Variants in LARS2 observed in about 807,000 individuals in gnomAD.
LARS2 encodes the protein leucyl-tRNA synthetase 2, mitochondrial, also known as leucine--tRNA ligase, mitochondrial.
A neutral mutation model predicts 116.6 loss-of-function variants in LARS2; 81 were observed. The ratio of observed to expected loss-of-function variants is 0.69; its 90% CI spans 0.58 to 0.84. The LOEUF (loss-of-function observed/expected upper bound fraction) is 0.84, where lower values mean the gene tolerates loss of function less well. LARS2 is among the 40% of genes least tolerant of loss of function. LARS2 has a pLI of 0.00. For missense variants in LARS2, 968 were observed against 1,114.5 expected (o/e 0.87, Z 1.87); for synonymous variants, 396 against 407.2 (o/e 0.97, Z 0.33).
At chr3:45,431,629 TC>T (rs1039508145) in intron 6 of LARS2, among the ~76,000 whole-genome samples, 1 of 147,240 alleles carries the variant, frequency 6.8e-6, no homozygotes, top group Non-Finnish European at 1.5e-5. Context: ...TTAAATATAA[TC>T]CCCATGGTAA....
chr3:45,409,619 G>A (rs878974701), intron 4 of LARS2, among the ~76,000 whole-genome samples: 1 of 152,122 alleles, frequency 6.6e-6, no homozygotes, highest in Admixed American at 6.6e-5. Flanking sequence ...CTTGACAGTG[G>A]TGAATCATCT....
chr3:45,457,043 A>G (rs143134480), intron 7 of LARS2, among the ~76,000 whole-genome samples: 4 of 152,352 alleles, frequency 2.6e-5, no homozygotes, highest in African/African-American at 9.6e-5. Context: ...AGGGACGGCA[A>G]TGCGTTTGAC....
intron 6 of LARS2, among the ~76,000 whole-genome samples, chr3:45,430,444 A>G (rs1457672485): frequency 7.0e-6 from 1 of 143,386 alleles, no homozygotes; most frequent in Non-Finnish European, 1.5e-5. Flanking sequence ...ATGCCCCGCT[A>G]AATTTTTTTG....
At chr3:45,515,691 C>T (rs1700360099) in intron 16 of LARS2, among the ~76,000 whole-genome samples, 1 of 152,186 alleles carries the variant, frequency 6.6e-6, no homozygotes, top group African/African-American at 2.4e-5. Flanking sequence ...ATGGATGGGA[C>T]AGGTCAGGCT....
At chr3:45,401,090 T>C (rs1358001621) in intron 4 of LARS2, among the ~76,000 whole-genome samples, 1 of 152,128 alleles carries the variant, frequency 6.6e-6, no homozygotes, top group Non-Finnish European at 1.5e-5. Flanking sequence ...TGATTACAGG[T>C]GTGAGCCACC....
chr3:45,411,085 GA>G (rs1029399320), intron 4 of LARS2, among the ~76,000 whole-genome samples: 9 of 152,108 alleles, frequency 5.9e-5, no homozygotes, highest in African/African-American at 1.9e-4. Flanking sequence ...GCACTGCGGG[GA>G]TCTAACTCAC....
chr3:45,547,365 T>C lies in LARS2; in HGVS notation c.2547T>C (p.Ala849=), dbSNP rs78587006. 4,805 of 1,609,898 alleles carry C rather than the reference T, an allele frequency of 3.0e-3. 216 individuals are homozygous for C. The East Asian group carries it at 0.092, about 31-fold the overall frequency. ...VQMAVLINNK[A]CGKIPVPQQV... ...CTCCTTCTCAGATCAACAATAAAGC[T>C]TGTGGCAAAATTCCTGTGCCCCAAC... The change falls in exon 22 of 22, where the codon GCT becomes GCC. Residue 849 remains alanine (A), a synonymous_variant. Coordinates refer to ENST00000645846, the MANE Select transcript of LARS2 (RefSeq NM_015340.4).
At chr3:45,463,766 A>G (rs1002727417) in intron 8 of LARS2, among the ~76,000 whole-genome samples, 4 of 152,062 alleles carry the variant, frequency 2.6e-5, no homozygotes, top group Non-Finnish European at 5.9e-5. Flanking sequence ...TCTGCTTTTA[A>G]GGAGCTTAGA....
rs77539263 is a variant in LARS2, at chr3:45,408,821, A to G, written c.363+8448A>G. On this transcript the variant is annotated intron_variant, in intron 4 of 21. Coordinates refer to ENST00000645846, the MANE Select transcript of LARS2 (RefSeq NM_015340.4). Reference sequence around the variant, plus strand: ...TTCCTTGGCTTCCCACTCAACTTTAAACATATAGAGTATTAGTTAAACGAA... The same window carrying G: ...TTCCTTGGCTTCCCACTCAACTTTAGACATATAGAGTATTAGTTAAACGAA... 8.4e-3 allele frequency among the ~76,000 whole-genome samples: 1,277 copies of G among 152,310 alleles called. 27 individuals carry two copies. The East Asian group carries it at 0.11, about 13-fold the overall frequency.
At chr3:45,474,206 G>A (rs1699575841) in intron 8 of LARS2, 37 bp from the exon 9 acceptor site, 1 of 1,339,808 alleles carries the variant, frequency 7.5e-7, no homozygotes, top group South Asian at 1.3e-5. Context: ...AATAAGCCTT[G>A]TGCCTCTACT....
chr3:45,486,016 T>TGAG (rs1553634598), intron 11 of LARS2, among the ~76,000 whole-genome samples: 1 of 151,938 alleles, frequency 6.6e-6, no homozygotes, highest in South Asian at 2.1e-4. Context: ...CTACTGAGAA[T>TGAG]AAGAAGTATC....
intron 10 of LARS2, 77 bp from the exon 11 acceptor site, chr3:45,485,602 GCTTACTTTTCTCA>G: frequency 1.5e-6 from 1 of 686,610 alleles, no homozygotes; most frequent in East Asian, 2.7e-5. Flanking sequence ...AAGTTCTAGT[GCTTACTTTTCTCA>G]CTTGTTTCCT....
chr3:45,483,493 A>C (rs929098642), intron 10 of LARS2, among the ~76,000 whole-genome samples: 3 of 151,936 alleles, frequency 2.0e-5, no homozygotes, highest in Non-Finnish European at 2.9e-5. Context: ...TACTAAAAAT[A>C]CAAAAATTAG....
At chr3:45,496,233 A>T (rs962256470) in intron 13 of LARS2, 42 bp from the exon 14 acceptor site, 1 of 1,474,532 alleles carries the variant, frequency 6.8e-7, no homozygotes, top group Non-Finnish European at 9.5e-7. Flanking sequence ...CTGCATTAAA[A>T]TTTAAAAAGA....
At chr3:45,438,740 C>T (rs1413609452) in intron 6 of LARS2, among the ~76,000 whole-genome samples, 1 of 151,396 alleles carries the variant, frequency 6.6e-6, no homozygotes, top group Non-Finnish European at 1.5e-5. Flanking sequence ...GAGGCTGAGA[C>T]AGGAGAATCG....
At chr3:45,395,656 C>G in intron 3 of LARS2, among the ~76,000 whole-genome samples, 1 of 152,188 alleles carries the variant, frequency 6.6e-6, no homozygotes, top group Non-Finnish European at 1.5e-5. Flanking sequence ...TACAGCTGCA[C>G]AAGACCACAC....
chr3:45,428,110 C>T (rs1339200597), intron 6 of LARS2, among the ~76,000 whole-genome samples: 1 of 151,876 alleles, frequency 6.6e-6, no homozygotes, highest in African/African-American at 2.4e-5. Context: ...CGTGAGCCAC[C>T]ACGCCTGGCC....
At chr3:45,528,137 G>C (rs181423739) in intron 20 of LARS2, among the ~76,000 whole-genome samples, 1 of 152,192 alleles carries the variant, frequency 6.6e-6, no homozygotes, top group African/African-American at 2.4e-5. Context: ...AAGAGTTCAA[G>C]ACCAGCTTGG....
At chr3:45,453,282 T>C (rs1314309978) in intron 7 of LARS2, among the ~76,000 whole-genome samples, 2 of 152,200 alleles carry the variant, frequency 1.3e-5, no homozygotes, top group African/African-American at 4.8e-5. Context: ...TGGAGTCCTG[T>C]TGATCTCTCT....
Sources: gnomAD v4.1 joint callset for allele counts (sites outside exome capture counted in the v4.1 genomes callset) on GRCh38, gnomAD v4.1.1 for gene constraint, MANE v1.5 for transcripts, NCBI Gene and HGNC (gene_info 2026-07-23, HGNC 2026-07-21) for gene names.